MTTP: variants seen among roughly 807,000 people sequenced by gnomAD.
MTTP encodes the protein microsomal triglyceride transfer protein.
Under a neutral mutation model 90.6 loss-of-function variants are expected in MTTP, and 49 were observed. That is an observed-to-expected ratio of 0.54 (90% CI 0.43 to 0.69). MTTP has a LOEUF of 0.69. Ranked by LOEUF, MTTP falls within the 30% of genes least tolerant of loss-of-function variation. The pLI is 0.00. For missense variants in MTTP, 945 were observed against 1,067.5 expected (o/e 0.89, Z 1.60); for synonymous variants, 347 against 384.2 (o/e 0.90, Z 1.13).
rs190565205 is a variant in MTTP at position 99,613,746 on chromosome 4, T to G, written c.2217+606T>G. On this transcript the variant is annotated intron_variant, in intron 15 of 17. Coordinates refer to ENST00000265517, the MANE Select transcript of MTTP (RefSeq NM_001386140.1). Reference sequence around the variant, plus strand: ...CACATTCTTCAAAATGGTTTTCAATTTTTTGTGGCCCGAAATCTTATGATA... The same window carrying G: ...CACATTCTTCAAAATGGTTTTCAATGTTTTGTGGCCCGAAATCTTATGATA... Among the ~76,000 whole-genome samples the G allele has an allele frequency of 1.0e-3, 156 of 152,308 alleles. 2 individuals carry two copies. The highest frequency in any genetic ancestry group is 6.8e-3 in the Middle Eastern group (2 of 294).
rs73832840 is a variant in MTTP at position 99,603,524 on chromosome 4, T to C, written c.1344+1810T>C. On this transcript the variant is annotated intron_variant, in intron 10 of 17. Transcript: ENST00000265517. ...GGGCAGAGGGCTGAGAGGAGATACA[T>C]TCAAGGGCCACTTTATTTAGTGACT... is the stretch of plus-strand genomic sequence containing the variant. 3.6e-3 allele frequency among the ~76,000 whole-genome samples: 555 copies of C among 152,182 alleles called. 5 individuals carry two copies. Among genetic ancestry groups the C allele is most frequent in the African/African-American group, 0.013 (528 of 41,522 alleles).
chr4:99,566,154 T>C (rs1421877250), intron 1 of MTTP, among the ~76,000 whole-genome samples: 2 of 151,814 alleles, frequency 1.3e-5, no homozygotes, highest in Non-Finnish European at 2.9e-5. Flanking sequence ...CCGGGCGTGG[T>C]GGCGGGCGCC....
intron 1 of MTTP, among the ~76,000 whole-genome samples, chr4:99,566,751 G>A (rs889254676): frequency 5.3e-5 from 8 of 152,316 alleles, no homozygotes; most frequent in African/African-American, 1.9e-4. Context: ...TTGGCAACCA[G>A]TTTGTTAAAT....
chr4:99,571,955 CTG>C (rs951146260), upstream of MTTP, among the ~76,000 whole-genome samples: 17 of 151,718 alleles, frequency 1.1e-4, no homozygotes, highest in African/African-American at 3.1e-4. Context: ...TATAAACAGA[CTG>C]TTTTTTCACA....
chr4:99,617,546 T>A (rs980256265), intron 15 of MTTP, among the ~76,000 whole-genome samples: 1 of 152,062 alleles, frequency 6.6e-6, no homozygotes, highest in Non-Finnish European at 1.5e-5. Flanking sequence ...CATAAAGAAG[T>A]TAGTCATCCT....
chr4:99,594,874 A>C lies in MTTP; in HGVS notation c.900A>C (p.Gly300=), dbSNP rs376659735. 1 of 1,613,868 alleles carries C rather than the reference A, an allele frequency of 6.2e-7. No individual in the cohort carries two copies. Residue 300 remains glycine (G), a synonymous_variant, in exon 7 of 18, where the codon GGA becomes GGC. Coordinates refer to ENST00000265517, the MANE Select transcript of MTTP (RefSeq NM_001386140.1). ...AGGTCTTCCAGAGCCACTGTAAAGGATGTCCTTCTGTAAGTGCAGACAAAT... is the reference window on the plus strand; with the variant it reads ...AGGTCTTCCAGAGCCACTGTAAAGGCTGTCCTTCTGTAAGTGCAGACAAAT... The part of the protein sequence containing the change: ...VGQVFQSHCK[G]CPSLSELWRS...
chr4:99,582,092 G>A lies in MTTP; in HGVS notation c.249G>A (p.Thr83=), dbSNP rs373651107. 7.4e-6 allele frequency: 12 copies of A among 1,613,954 alleles called. No homozygotes were observed. Among genetic ancestry groups the A allele is most frequent in the South Asian group, 3.3e-5 (3 of 91,082 alleles). The change falls in exon 2 of 18, where the codon ACG becomes ACA. Residue 83 remains threonine, a splice_region_variant and synonymous_variant. Coordinates refer to ENST00000265517, the MANE Select transcript of MTTP (RefSeq NM_001386140.1). Reference sequence around the variant, plus strand: ...ATGATGACCAGTTGATCCAAATAACGGTGGGCATTTTCTACCAGATAAATG... The same window carrying A: ...ATGATGACCAGTTGATCCAAATAACAGTGGGCATTTTCTACCAGATAAATG... ...DGDDDQLIQI[T]MKDVNVENVN... is the part of the protein sequence containing the mutation.
chr4:99,601,519 C>T lies in MTTP; in HGVS notation c.1237-88C>T, dbSNP rs558254901. ...ATCTAGAAACATAAAAATACTTTAC[C>T]AAGTATGTGTTTATTTTTTAACTAA... On this transcript the variant is annotated intron_variant, in intron 9 of 17. Transcript: ENST00000265517. 38 of 1,026,554 alleles carry T rather than the reference C, an allele frequency of 3.7e-5. No homozygotes were observed. The Admixed American group carries it at 6.5e-4, about 18-fold the overall frequency. The allele number at this position is 1,026,554 out of a possible 1,614,324, so 63.6% of individuals were successfully genotyped here. A position where few individuals can be genotyped will look rare whatever the true frequency, so the allele number is the denominator to read the frequency against.
At chr4:99,569,858 C>T (rs565657452), upstream of MTTP, among the ~76,000 whole-genome samples, 2 of 151,872 alleles carry the variant, frequency 1.3e-5, no homozygotes, top group African/African-American at 4.8e-5. Context: ...TTACATATAC[C>T]AAACTATACA....
chr4:99,611,319 T>C lies in MTTP; in HGVS notation c.1868-13T>C, dbSNP rs779169760. On this transcript the variant is annotated splice_polypyrimidine_tract_variant and intron_variant, in intron 13 of 17. Transcript: ENST00000265517. ...GGAACTGCTATTAAATTACAGTTAT[T>C]GTGTGTCATCAGGTAGTCCCCGTTC... The C allele has an allele frequency of 1.9e-6, 3 of 1,614,066 alleles. No homozygotes were observed. The highest frequency in any genetic ancestry group is 1.7e-6 in the Non-Finnish European group (2 of 1,179,960).
intron 1 of MTTP, among the ~76,000 whole-genome samples, chr4:99,581,620 A>AT (rs1725116072): frequency 4.3e-5 from 6 of 139,968 alleles, no homozygotes; most frequent in South Asian, 2.4e-4. Context: ...TGGCATTTAA[A>AT]CAAAAAAAAA....
At chr4:99,565,119 G>T (rs1724640961) in intron 1 of MTTP, among the ~76,000 whole-genome samples, 1 of 152,192 alleles carries the variant, frequency 6.6e-6, no homozygotes, top group African/African-American at 2.4e-5. Flanking sequence ...GCTGAGGGAG[G>T]ATTAGTAATT....
chr4:99,607,112 G>A (rs928703549), intron 11 of MTTP, 152 bp downstream of exon 11: 16 of 705,458 alleles, frequency 2.3e-5, no homozygotes, highest in African/African-American at 7.2e-5. Context: ...TTGCATTTGC[G>A]GCTATTCTAA....
upstream of MTTP, chr4:99,570,792 C>T (rs1157470323): frequency 2.2e-6 from 1 of 455,572 alleles, no homozygotes; most frequent in South Asian, 1.6e-5. Context: ...ATTCAGCTTA[C>T]TCTTGCTGGA....
chr4:99,573,613 C>T (rs908499297), upstream of MTTP, among the ~76,000 whole-genome samples: 1 of 152,028 alleles, frequency 6.6e-6, no homozygotes, highest in African/African-American at 2.4e-5. Flanking sequence ...AGGAAATATG[C>T]TTAACTTTGT....
intron 11 of MTTP, among the ~76,000 whole-genome samples, chr4:99,607,448 G>A (rs966146946): frequency 6.6e-6 from 1 of 152,134 alleles, no homozygotes; most frequent in Non-Finnish European, 1.5e-5. Flanking sequence ...GAAGTTGGTG[G>A]CTGCAAATCA....
chr4:99,575,044 GTGTT>G (rs1177303385), intron 1 of MTTP, 74 bp downstream of exon 1: 65 of 1,485,328 alleles, frequency 4.4e-5, no homozygotes, highest in South Asian at 4.5e-5. Flanking sequence ...GCGTGTGTGT[GTGTT>G]TGTGTGAGTG....
At chr4:99,585,194 T>A (rs1466287022) in intron 3 of MTTP, among the ~76,000 whole-genome samples, 2 of 152,122 alleles carry the variant, frequency 1.3e-5, no homozygotes, top group Non-Finnish European at 2.9e-5. Flanking sequence ...TAAAATGAAC[T>A]AAGCACTTAC....
Position 99,608,911 on chromosome 4 carries a change from C to T in MTTP, c.1703C>T (p.Pro568Leu), listed in dbSNP as rs748681503. 5.6e-6 allele frequency: 9 copies of T among 1,613,948 alleles called. No homozygotes were observed. The highest frequency in any genetic ancestry group is 8.5e-7 in the Non-Finnish European group (1 of 1,180,012). ...ATCCTGCTGTCTATTGGGGAGCTTC[C>T]CCAAGAAATGAATAAATACATGCTC... ...KNILLSIGEL[P>L]QEMNKYMLAI... The change falls in exon 12 of 18, where the codon CCC becomes CTC. Residue 568 changes from proline to leucine, a missense_variant. Pro to Leu is a moderately conservative substitution (Grantham distance 98). Coordinates refer to ENST00000265517, the MANE Select transcript of MTTP (RefSeq NM_001386140.1).
Sources: gnomAD v4.1 joint callset for allele counts (sites outside exome capture counted in the v4.1 genomes callset) on GRCh38, gnomAD v4.1.1 for gene constraint, MANE v1.5 for transcripts, NCBI Gene and HGNC (gene_info 2026-07-23, HGNC 2026-07-21) for gene names.